The following DNAH14 variants were observed in gnomAD, a reference collection of about 807,000 sequenced individuals.
The protein encoded by DNAH14 is dynein axonemal heavy chain 14, also known as axonemal beta dynein heavy chain 14.
DNAH14 carries 478 observed loss-of-function variants against 520.9 expected under a neutral mutation model. The observed-to-expected ratio is 0.92, with a 90% confidence interval of 0.85 to 0.99. DNAH14 has a LOEUF of 0.99. Among genes scored for constraint, DNAH14 ranks in the 50% least tolerant of loss-of-function variants. DNAH14 has a pLI of 0.00. For synonymous variants in DNAH14, 1,581 were observed against 1,757.2 expected (o/e 0.90, Z 2.51); for missense variants, 4,831 against 5,234.5 (o/e 0.92, Z 2.38).
At chr1:225,068,545 C>A (rs2071181925) in intron 17 of DNAH14, among the ~76,000 whole-genome samples, 2 of 152,134 alleles carry the variant, frequency 1.3e-5, no homozygotes, top group South Asian at 4.1e-4. Context: ...GGCAGTATAG[C>A]CATTTTCACA....
intron 36 of DNAH14, among the ~76,000 whole-genome samples, chr1:225,170,096 C>A (rs1382497723): frequency 6.6e-6 from 1 of 152,130 alleles, no homozygotes; most frequent in African/African-American, 2.4e-5. Context: ...ACCAGGCCTG[C>A]CCTACAAGAG....
Position 225,082,616 on chromosome 1 carries a change from T to C in DNAH14, c.3204T>C (p.Pro1068=). ...TAACAGAGTTTAAACAAGAGCTGCC[T>C]ATCATTATAGCTCTGGGAAATCCCT... ...QVVTEFKQEL[P]IIIALGNPCL... The change falls in exon 20 of 86, where the codon CCT becomes CCC. Residue 1068 remains proline (P), a synonymous_variant. Coordinates refer to ENST00000682510, the MANE Select transcript of DNAH14 (RefSeq NM_001367479.1). The C allele has an allele frequency of 1.9e-6, 3 of 1,551,638 alleles. No homozygotes were observed. Among genetic ancestry groups the C allele is most frequent in the Non-Finnish European group, 2.6e-6 (3 of 1,146,940 alleles).
chr1:225,158,529 T>TG (rs1291746686), intron 34 of DNAH14, among the ~76,000 whole-genome samples: 2 of 152,216 alleles, frequency 1.3e-5, no homozygotes, highest in African/African-American at 2.4e-5. Flanking sequence ...TCGAGTGGAC[T>TG]CGTCGCTTGT....
At chr1:225,205,841 C>A in intron 39 of DNAH14, 130 bp from the exon 40 acceptor site, 1 of 682,992 alleles carries the variant, frequency 1.5e-6, no homozygotes, top group Non-Finnish European at 2.4e-6. Context: ...TAAACACATT[C>A]ACTCTAGTGT....
At chr1:225,062,240 G>T (rs1459812066) in intron 17 of DNAH14, among the ~76,000 whole-genome samples, 1 of 152,130 alleles carries the variant, frequency 6.6e-6, no homozygotes, top group Non-Finnish European at 1.5e-5. Context: ...AGTTGAGGCT[G>T]CAGTGAGTGG....
intron 39 of DNAH14, among the ~76,000 whole-genome samples, chr1:225,205,428 AC>A (rs762698240): frequency 2.8e-4 from 43 of 152,246 alleles, no homozygotes; most frequent in Non-Finnish European, 5.4e-4. Context: ...GGACTTCCAA[AC>A]CTCCAGAACT....
At chr1:225,076,978 G>A (rs2072364974) in intron 17 of DNAH14, among the ~76,000 whole-genome samples, 1 of 151,926 alleles carries the variant, frequency 6.6e-6, no homozygotes, top group Non-Finnish European at 1.5e-5. Flanking sequence ...GGTGTGTGAT[G>A]TTCCCTGCCC....
At chr1:225,335,969 ATGTACATATG>A (rs1382880959) in intron 66 of DNAH14, among the ~76,000 whole-genome samples, 18 of 146,546 alleles carry the variant, frequency 1.2e-4, no homozygotes, top group African/African-American at 4.0e-4. Flanking sequence ...ATATACATAT[ATGTACATATG>A]TGTATATACA....
At chr1:224,978,027 A>T (rs986276769) in intron 8 of DNAH14, among the ~76,000 whole-genome samples, 9 of 152,348 alleles carry the variant, frequency 5.9e-5, no homozygotes, top group African/African-American at 2.2e-4. Flanking sequence ...GCTGATGAGG[A>T]TATGGAGAAA....
intron 55 of DNAH14, among the ~76,000 whole-genome samples, chr1:225,300,072 T>C (rs2094109336): frequency 6.6e-6 from 1 of 152,102 alleles, no homozygotes; most frequent in Non-Finnish European, 1.5e-5. Context: ...TCTGGAAGAG[T>C]TTGTTTCCCT....
rs568139694 is a variant in DNAH14, at chr1:225,029,669, G to A, written c.1358+5804G>A. On this transcript the variant is annotated intron_variant, in intron 11 of 85. Coordinates refer to ENST00000682510, the MANE Select transcript of DNAH14 (RefSeq NM_001367479.1). ...TTGGGGTATTGTGAGACTGAATCTG[G>A]TCTGGGAGAAGTTTCGTTGATAGGA... Among the ~76,000 whole-genome samples the A allele has an allele frequency of 3.3e-5, 5 of 151,990 alleles. No homozygotes were observed. In the East Asian group the frequency reaches 9.7e-4, roughly 29 times the overall value.
intron 53 of DNAH14, among the ~76,000 whole-genome samples, chr1:225,276,995 AAGGAAGGG>A (rs756069928): frequency 0.094 from 5,587 of 59,450 alleles, 325 homozygotes; most frequent in African/African-American, 0.16. Context: ...GGGAGGGAGG[AAGGAAGGG>A]AGGGAGGGAG....
rs981612451 is a variant in DNAH14 at position 225,322,675 on chromosome 1, G to A, written c.9347G>A (p.Arg3116Gln). The change falls in exon 62 of 86, where the codon CGG (arginine) becomes CAG (glutamine). Residue 3116 changes from arginine (R) to glutamine (Q), a missense_variant. Physicochemically the swap from Arg to Gln is conservative, Grantham distance 43. Transcript: ENST00000682510. Reference protein sequence around the residue: ...ADVAELRVYTRPPFLVLTVMN... With the variant: ...ADVAELRVYTQPPFLVLTVMN... The stretch of plus-strand genomic sequence containing the variant: ...ATCATCTATTACAGAGTATACACAC[G>A]GCCTCCCTTCCTTGTACTGACTGTC... The A allele has an allele frequency of 5.2e-6, 8 of 1,537,490 alleles. No homozygotes were observed. The highest frequency in any genetic ancestry group is 2.5e-5 in the East Asian group (1 of 40,520).
chr1:225,230,490 T>A (rs2090994005), intron 41 of DNAH14, among the ~76,000 whole-genome samples: 1 of 152,112 alleles, frequency 6.6e-6, no homozygotes, highest in Non-Finnish European at 1.5e-5. Context: ...AGCATTTTTT[T>A]AATATTAAGA....
chr1:225,189,333 G>C (rs1369651543), intron 37 of DNAH14, among the ~76,000 whole-genome samples: 1 of 150,900 alleles, frequency 6.6e-6, no homozygotes, highest in African/African-American at 2.4e-5. Context: ...TCCTTTTCTT[G>C]TGCCATCTTT....
chr1:225,296,957 A>G (rs900109304), intron 55 of DNAH14, among the ~76,000 whole-genome samples: 1 of 152,078 alleles, frequency 6.6e-6, no homozygotes, highest in Non-Finnish European at 1.5e-5. Flanking sequence ...TGTTCCTCAG[A>G]TAGGCTTTTT....
Position 225,322,781 on chromosome 1 carries a change from GA to G in DNAH14, c.9459del (p.Lys3153AsnfsTer2), listed in dbSNP as rs1255413793. 2 of 1,551,648 alleles carry G rather than the reference GA, an allele frequency of 1.3e-6. No individual in the cohort carries two copies. Among genetic ancestry groups the G allele is most frequent in the Non-Finnish European group, 1.7e-6 (2 of 1,146,958 alleles). On this transcript the variant is annotated frameshift_variant, in exon 62 of 86. Transcript: ENST00000682510. LOFTEE classifies it high-confidence loss of function. ...KLLLSETGFL[K>X]KLINLDKDSI... ...TACTTCTTTCAGAAACTGGTTTCCT[GA>G]AAAAATTGATTAACCTTGACAAGGA...
chr1:225,289,581 C>T (rs1452865450), intron 54 of DNAH14, among the ~76,000 whole-genome samples: 1 of 151,978 alleles, frequency 6.6e-6, no homozygotes, highest in Non-Finnish European at 1.5e-5. Flanking sequence ...TTGACAGTGA[C>T]ATGAAGATGG....
intron 84 of DNAH14, among the ~76,000 whole-genome samples, chr1:225,394,720 T>C (rs533609388): frequency 3.2e-4 from 49 of 152,170 alleles, no homozygotes; most frequent in Middle Eastern, 3.4e-3. Flanking sequence ...GGTGCGCATG[T>C]GTAATCCCAG....
Sources: gnomAD v4.1 joint callset for allele counts (sites outside exome capture counted in the v4.1 genomes callset) on GRCh38, gnomAD v4.1.1 for gene constraint, MANE v1.5 for transcripts, NCBI Gene and HGNC (gene_info 2026-07-23, HGNC 2026-07-21) for gene names.